SHANK2: variants seen among roughly 807,000 people sequenced by gnomAD.
The protein encoded by SHANK2 is SH3 and multiple ankyrin repeat domains 2.
A neutral mutation model predicts 133.7 loss-of-function variants in SHANK2; 43 were observed. That is an observed-to-expected ratio of 0.32 (90% CI 0.25 to 0.41). The LOEUF (loss-of-function observed/expected upper bound fraction) is 0.41, where lower values mean the gene tolerates loss of function less well. Among genes scored for constraint, SHANK2 ranks in the 10% least tolerant of loss-of-function variants. SHANK2 has a pLI of 1.00. For synonymous variants in SHANK2, 1,017 were observed against 952.8 expected (o/e 1.07, Z -1.24); for missense variants, 1,994 against 2,235.8 (o/e 0.89, Z 2.18).
Position 70,807,162 on chromosome 11 carries a change from A to C in SHANK2, c.1503T>G (p.Phe501Leu). The change falls in exon 13 of 26, where the codon TTT becomes TTG. Residue 501 changes from phenylalanine to leucine, a missense_variant. Phe to Leu is a conservative substitution (Grantham distance 22). Around this residue, in one of 5 missense-constraint regions of SHANK2, gnomAD observed 653 missense variants for 563.4 expected, o/e 1.16. Coordinates refer to ENST00000601538, the MANE Select transcript of SHANK2 (RefSeq NM_012309.5). The surrounding 1 kb of genome is among the most constrained non-coding windows in gnomAD (Gnocchi z 4.8). The part of the protein sequence containing the change: ...PQPLWHVGSP[F>L]ALGANKDSLS... ...GTGAGTCCTTGTTGGCACCAAGAGCAAAAGGCGACCTGGACCAGGTGAGAG... is the reference window on the plus strand; with the variant it reads ...GTGAGTCCTTGTTGGCACCAAGAGCCAAAGGCGACCTGGACCAGGTGAGAG... The C allele has an allele frequency of 1.4e-6, 1 of 717,082 alleles. No homozygotes were observed. The allele number at this position is 717,082 out of a possible 1,614,324, so 44.4% of individuals were successfully genotyped here. A position where few individuals can be genotyped will look rare whatever the true frequency, so the allele number is the denominator to read the frequency against.
intron 17 of SHANK2, chr11:70,634,510 C>T (rs1555003263): frequency 6.6e-6 from 1 of 152,072 alleles, no homozygotes; most frequent in African/African-American, 2.4e-5. Context: ...GGGTTAGTAT[C>T]CAGAATGTGC....
chr11:71,094,635 C>T lies in SHANK2; in HGVS notation c.646G>A (p.Ala216Thr). The T allele has an allele frequency of 6.4e-7, 1 of 1,551,788 alleles. No homozygotes were observed. Among genetic ancestry groups the T allele is most frequent in the Non-Finnish European group, 8.7e-7 (1 of 1,146,992 alleles). ...QLDDSVEVIKALKNGGAHLDF... is the reference protein window; with the variant it reads ...QLDDSVEVIKTLKNGGAHLDF... ...AGGTGAGCTCCACCATTTTTGAGAGCTTTGATGACCTCCACAGAGTCGTCC... is the reference window on the plus strand; with the variant it reads ...AGGTGAGCTCCACCATTTTTGAGAGTTTTGATGACCTCCACAGAGTCGTCC... The change falls in exon 7 of 26, where the codon GCT (alanine) becomes ACT (threonine). Residue 216 changes from alanine (A) to threonine (T), a missense_variant. By Grantham distance (58) the Ala-to-Thr change is moderately conservative (BLOSUM62 0). Transcript: ENST00000601538.
chr11:70,728,389 T>C (rs1946216963), intron 14 of SHANK2, among the ~76,000 whole-genome samples: 1 of 152,188 alleles, frequency 6.6e-6, no homozygotes. Flanking sequence ...CTCGGTTTAC[T>C]TGGTAGAAGG....
intron 17 of SHANK2, among the ~76,000 whole-genome samples, chr11:70,521,142 G>GTT (rs1411892853): frequency 2.0e-5 from 3 of 152,202 alleles, no homozygotes; most frequent in Admixed American, 1.3e-4. Flanking sequence ...GGATGATGCT[G>GTT]TTTTTACTTA....
intron 11 of SHANK2, among the ~76,000 whole-genome samples, chr11:70,853,958 T>A (rs1358161745): frequency 2.6e-5 from 4 of 152,158 alleles, no homozygotes; most frequent in African/African-American, 9.7e-5. Context: ...CAGCATGACC[T>A]CATGTTAACC....
rs560776635 is a variant in SHANK2, at chr11:70,494,219, T to C, written c.2309-1754A>G. Among the ~76,000 whole-genome samples, 37 of 152,290 alleles carry C rather than the reference T, an allele frequency of 2.4e-4. No individual in the cohort carries two copies. In the South Asian group the frequency reaches 4.8e-3, roughly 20 times the overall value. On this transcript the variant is annotated intron_variant, in intron 21 of 25. Coordinates refer to ENST00000601538, the MANE Select transcript of SHANK2 (RefSeq NM_012309.5). Reference sequence around the variant, plus strand: ...CTGACACCTATGGACACTCTCACAGTAGAGTCTGCATGAGGGGCCTGGTTC... The same window carrying C: ...CTGACACCTATGGACACTCTCACAGCAGAGTCTGCATGAGGGGCCTGGTTC...
intron 11 of SHANK2, among the ~76,000 whole-genome samples, chr11:70,859,583 T>C (rs571331187): frequency 1.5e-4 from 23 of 152,214 alleles, no homozygotes; most frequent in African/African-American, 5.1e-4. Flanking sequence ...GTCAGAAAAG[T>C]GGATGAATGA....
intron 11 of SHANK2, among the ~76,000 whole-genome samples, chr11:70,856,506 T>C (rs978813042): frequency 4.0e-5 from 6 of 151,530 alleles, no homozygotes; most frequent in South Asian, 2.1e-4. Flanking sequence ...AATGAGTGGA[T>C]GGATGGATGG....
intron 10 of SHANK2, among the ~76,000 whole-genome samples, chr11:70,942,187 GA>G (rs1235301997): frequency 6.6e-6 from 1 of 151,420 alleles, no homozygotes; most frequent in Admixed American, 6.6e-5. Context: ...ACTCTGTCTC[GA>G]AAAAAAAGGA....
At chr11:70,859,832 C>T (rs1949229014) in intron 11 of SHANK2, among the ~76,000 whole-genome samples, 1 of 152,186 alleles carries the variant, frequency 6.6e-6, no homozygotes, top group African/African-American at 2.4e-5. Context: ...CCCTCTTTCC[C>T]TATCAGGGCT....
chr11:70,875,664 G>T (rs1555071073), intron 11 of SHANK2, among the ~76,000 whole-genome samples: 2 of 152,028 alleles, frequency 1.3e-5, no homozygotes, highest in Admixed American at 1.3e-4. Context: ...AGACCAGCCT[G>T]GGAAACACAG....
rs567304647 is a variant in SHANK2 at position 70,890,889 on chromosome 11, G to A, written c.1174+5612C>T. Among the ~76,000 whole-genome samples, 17 of 151,918 alleles carry A rather than the reference G, an allele frequency of 1.1e-4. No individual in the cohort carries two copies. The South Asian group carries it at 2.3e-3, about 21-fold the overall frequency. ...TGAGGCAGGAGAATCGCTTGAACCC[G>A]GGAGGCGGAGGTTGCAATGAGCCAA... is the stretch of plus-strand genomic sequence containing the variant. On this transcript the variant is annotated intron_variant, in intron 11 of 25. Transcript: ENST00000601538.
At chr11:70,879,897 A>G (rs1390850969) in intron 11 of SHANK2, among the ~76,000 whole-genome samples, 1 of 152,206 alleles carries the variant, frequency 6.6e-6, no homozygotes, top group Admixed American at 6.5e-5. Context: ...CGGAGTCCAC[A>G]GGGATCCCAG....
chr11:70,558,188 G>GCC (rs1487462715), intron 17 of SHANK2, among the ~76,000 whole-genome samples: 1 of 152,170 alleles, frequency 6.6e-6, no homozygotes, highest in African/African-American at 2.4e-5. Flanking sequence ...GCGAGGGGGA[G>GCC]CCCCCTGGCC....
intron 8 of SHANK2, among the ~76,000 whole-genome samples, chr11:71,081,667 T>C (rs1434592868): frequency 6.6e-6 from 1 of 152,180 alleles, no homozygotes; most frequent in East Asian, 1.9e-4. Flanking sequence ...GGGTCCTCAT[T>C]CCCTCTGGAG....
chr11:70,577,431 C>T (rs2060129547), intron 17 of SHANK2, among the ~76,000 whole-genome samples: 1 of 152,232 alleles, frequency 6.6e-6, no homozygotes. Context: ...GGGAAAGTCA[C>T]ATGATTCCCT....
chr11:70,602,774 T>C (rs1320015108), intron 17 of SHANK2, among the ~76,000 whole-genome samples: 13 of 152,200 alleles, frequency 8.5e-5, no homozygotes, highest in Admixed American at 7.2e-4. Context: ...TGAAATTTAT[T>C]TTATAGTATA....
intron 3 of SHANK2, among the ~76,000 whole-genome samples, chr11:71,130,585 C>A (rs577734069): frequency 1.3e-5 from 2 of 152,238 alleles, no homozygotes; most frequent in Admixed American, 1.3e-4. Flanking sequence ...CATGGGTTAT[C>A]TGAAAGCTGT....
chr11:70,661,493 AGGC>A lies in SHANK2; in HGVS notation c.1936+100_1936+102del. 4 of 1,105,758 alleles carry A rather than the reference AGGC, an allele frequency of 3.6e-6. No homozygotes were observed. The Admixed American group carries it at 7.6e-5, about 21-fold the overall frequency. The allele number at this position is 1,105,758 out of a possible 1,614,324, so 68.5% of individuals were successfully genotyped here. On this transcript the variant is annotated intron_variant, in intron 16 of 25. Transcript: ENST00000601538. ...CTGAGCTGGGGAACGTTTTTCATGC[AGGC>A]GTATACACACACACACACACACACA...
Sources: gnomAD v4.1 joint callset for allele counts (sites outside exome capture counted in the v4.1 genomes callset) on GRCh38, gnomAD v4.1.1 for gene constraint, gnomAD v4.1.1 regional missense constraint, Gnocchi (gnomAD v3.1) non-coding constraint, MANE v1.5 for transcripts, NCBI Gene and HGNC (gene_info 2026-07-23, HGNC 2026-07-21) for gene names.